COX7B2: variants seen among roughly 807,000 people sequenced by gnomAD.
COX7B2 encodes the protein cytochrome c oxidase subunit 7B2.
For synonymous variants in COX7B2, 37 were observed against 32.1 expected, an observed-to-expected ratio of 1.15 and a Z score of -0.51; for missense variants, 109 against 95.9, an observed-to-expected ratio of 1.14 and a Z score of -0.57.
chr4:46,763,023 A>C lies in COX7B2; in HGVS notation c.-49-27782T>G, dbSNP rs1250975938. Among the ~76,000 whole-genome samples the C allele has an allele frequency of 3.8e-4, 46 of 121,208 alleles. 1 individual carries two copies. The highest frequency in any genetic ancestry group is 1.4e-3 in the African/African-American group (44 of 31,654). The allele number at this position is 121,208 out of a possible 152,430, so 79.5% of individuals were successfully genotyped here. On this transcript the variant is annotated intron_variant, in intron 2 of 2. Transcript: ENST00000355591. ...TAAATATACATAATTATAATATATA[A>C]TATAATATAATATATATTATATATT...
At chr4:46,839,502 G>T (rs529258851) in intron 2 of COX7B2, among the ~76,000 whole-genome samples, 1 of 152,022 alleles carries the variant, frequency 6.6e-6, no homozygotes, top group African/African-American at 2.4e-5. Flanking sequence ...AGGCAGTAAG[G>T]CCGACACAAG....
intron 2 of COX7B2, among the ~76,000 whole-genome samples, chr4:46,809,065 A>G (rs1719151966): frequency 6.6e-6 from 1 of 151,650 alleles, no homozygotes; most frequent in South Asian, 2.1e-4. Context: ...TTTTTCTAGG[A>G]ATTTTTTCAT....
intron 2 of COX7B2, among the ~76,000 whole-genome samples, chr4:46,801,304 C>A (rs1459259392): frequency 6.6e-6 from 1 of 152,102 alleles, no homozygotes; most frequent in African/African-American, 2.4e-5. Context: ...CACGGCCCTA[C>A]TTACAATAGC....
chr4:46,822,396 A>G (rs1714362447), intron 2 of COX7B2, among the ~76,000 whole-genome samples: 1 of 152,020 alleles, frequency 6.6e-6, no homozygotes, highest in South Asian at 2.1e-4. Context: ...AAAAAATAAT[A>G]TAGAGAGGAT....
intron 2 of COX7B2, among the ~76,000 whole-genome samples, chr4:46,796,566 A>C (rs1718360311): frequency 1.2e-5 from 1 of 84,974 alleles, no homozygotes; most frequent in African/African-American, 4.6e-5. Flanking sequence ...TAGAAATACC[A>C]TTTGACCCAG....
At chr4:46,768,339 C>G (rs1458064813) in intron 2 of COX7B2, among the ~76,000 whole-genome samples, 1 of 146,568 alleles carries the variant, frequency 6.8e-6, no homozygotes, top group Non-Finnish European at 1.5e-5. Flanking sequence ...TCCACTCCAA[C>G]CATAGTCTCC....
intron 2 of COX7B2, among the ~76,000 whole-genome samples, chr4:46,757,655 T>A (rs1366678421): frequency 2.6e-5 from 4 of 152,080 alleles, no homozygotes; most frequent in Non-Finnish European, 5.9e-5. Context: ...AGTTGTTCGT[T>A]TGTTTGTCAC....
At chr4:46,867,305 T>C (rs1158817696) in intron 1 of COX7B2, among the ~76,000 whole-genome samples, 3 of 152,250 alleles carry the variant, frequency 2.0e-5, no homozygotes, top group African/African-American at 7.2e-5. Flanking sequence ...TAAGGAGTAG[T>C]ATATAATCTC....
At chr4:46,874,756 C>A (rs1718220375) in intron 1 of COX7B2, among the ~76,000 whole-genome samples, 1 of 152,156 alleles carries the variant, frequency 6.6e-6, no homozygotes, top group African/African-American at 2.4e-5. Context: ...CAAATTCCTG[C>A]AAACTGGGTA....
At chr4:46,876,809 C>T (rs1718369966) in intron 1 of COX7B2, 1 of 152,204 alleles carries the variant, frequency 6.6e-6, no homozygotes. Flanking sequence ...ATAAGTCCAA[C>T]TGTCAATATT....
chr4:46,750,193 T>TACACA (rs1309718686), intron 2 of COX7B2, among the ~76,000 whole-genome samples: 25 of 58,540 alleles, frequency 4.3e-4, no homozygotes, highest in Non-Finnish European at 9.5e-4. Flanking sequence ...AGATCCCATC[T>TACACA]CTACACACAC....
At chr4:46,832,275 A>G (rs1158241938) in intron 2 of COX7B2, among the ~76,000 whole-genome samples, 2 of 152,180 alleles carry the variant, frequency 1.3e-5, no homozygotes, top group African/African-American at 4.8e-5. Flanking sequence ...CGAACCCACC[A>G]GAAGGAAGAA....
At chr4:46,759,284 T>C (rs1033162597) in intron 2 of COX7B2, among the ~76,000 whole-genome samples, 5 of 152,084 alleles carry the variant, frequency 3.3e-5, no homozygotes, top group African/African-American at 1.2e-4. Context: ...ATAATGTAAT[T>C]GTTAGAGATC....
chr4:46,770,583 G>T (rs1345599923), intron 2 of COX7B2, among the ~76,000 whole-genome samples: 1 of 151,518 alleles, frequency 6.6e-6, no homozygotes, highest in Admixed American at 6.6e-5. Flanking sequence ...TACCATAAAG[G>T]TCTACTAATC....
At chr4:46,854,020 A>T (rs1158024253) in intron 1 of COX7B2, among the ~76,000 whole-genome samples, 1 of 152,152 alleles carries the variant, frequency 6.6e-6, no homozygotes, top group African/African-American at 2.4e-5. Flanking sequence ...ACTATTTTTT[A>T]GCCATATAAA....
At chr4:46,865,220 G>C (rs572342060) in intron 1 of COX7B2, among the ~76,000 whole-genome samples, 1 of 152,194 alleles carries the variant, frequency 6.6e-6, no homozygotes, top group South Asian at 2.1e-4. Context: ...TTCCACTCCT[G>C]TGTTACTTCA....
chr4:46,843,015 C>G (rs560106273), intron 2 of COX7B2, among the ~76,000 whole-genome samples: 1 of 152,084 alleles, frequency 6.6e-6, no homozygotes, highest in African/African-American at 2.4e-5. Flanking sequence ...TACAGTCCCA[C>G]CAACAGTGTA....
intron 2 of COX7B2, among the ~76,000 whole-genome samples, chr4:46,820,164 G>T (rs1399382485): frequency 6.6e-6 from 1 of 152,078 alleles, no homozygotes; most frequent in Non-Finnish European, 1.5e-5. Context: ...CCATAATATG[G>T]AATCAGTGGA....
chr4:46,868,712 T>C (rs6841328), intron 1 of COX7B2, among the ~76,000 whole-genome samples: 8 of 152,206 alleles, frequency 5.3e-5, no homozygotes, highest in African/African-American at 1.7e-4. Flanking sequence ...CTTCTATTTG[T>C]TAATTGAATG....
Sources: gnomAD v4.1 joint callset for allele counts (sites outside exome capture counted in the v4.1 genomes callset) on GRCh38, gnomAD v4.1.1 for gene constraint, MANE v1.5 for transcripts, NCBI Gene and HGNC (gene_info 2026-07-23, HGNC 2026-07-21) for gene names.